BTBD9: variants seen among roughly 807,000 people sequenced by gnomAD.
The protein encoded by BTBD9 is BTB/POZ domain-containing protein 9.
In BTBD9, 49 loss-of-function variants were observed where a neutral mutation model predicts 64.3. The observed-to-expected ratio is 0.76, with a 90% CI of 0.61 to 0.97. The LOEUF (loss-of-function observed/expected upper bound fraction) is 0.97. BTBD9 is among the 50% of genes least tolerant of loss of function. BTBD9 has a pLI of 0.00. For synonymous variants in BTBD9, 260 were observed against 274.7 expected (o/e 0.95, Z 0.53); for missense variants, 598 against 762.1 (o/e 0.78, Z 2.53).
chr6:38,413,929 C>T (rs111391963), intron 6 of BTBD9, among the ~76,000 whole-genome samples: 60 of 152,106 alleles, frequency 3.9e-4, no homozygotes, highest in African/African-American at 1.3e-3. Flanking sequence ...ATGGGGTTTT[C>T]GTGAAGACTG....
At chr6:38,487,293 G>A (rs1291678437) in intron 6 of BTBD9, among the ~76,000 whole-genome samples, 1 of 152,054 alleles carries the variant, frequency 6.6e-6, no homozygotes, top group Non-Finnish European at 1.5e-5. Context: ...ACCTTAGGAG[G>A]GGGTGGGCTG....
At chr6:38,227,951 G>A (rs1763455725) in intron 9 of BTBD9, among the ~76,000 whole-genome samples, 1 of 152,210 alleles carries the variant, frequency 6.6e-6, no homozygotes, top group African/African-American at 2.4e-5. Flanking sequence ...GGTTGCCAGA[G>A]GTTGGTACTG....
chr6:38,539,256 T>C (rs1774158155), intron 6 of BTBD9, among the ~76,000 whole-genome samples: 1 of 152,194 alleles, frequency 6.6e-6, no homozygotes, highest in Non-Finnish European at 1.5e-5. Context: ...TTTAATAACA[T>C]TTCCCATATT....
intron 6 of BTBD9, among the ~76,000 whole-genome samples, chr6:38,444,670 G>T (rs1164587696): frequency 6.6e-6 from 1 of 152,068 alleles, no homozygotes; most frequent in East Asian, 1.9e-4. Flanking sequence ...GGGATAAAAA[G>T]GGTACCTTTT....
At chr6:38,317,228 C>T (rs984080973) in intron 7 of BTBD9, among the ~76,000 whole-genome samples, 4 of 152,084 alleles carry the variant, frequency 2.6e-5, no homozygotes, top group African/African-American at 9.7e-5. Flanking sequence ...AACTCCTGAC[C>T]TCGTGATCTA....
At chr6:38,558,479 C>A (rs1297413954) in intron 6 of BTBD9, among the ~76,000 whole-genome samples, 1 of 152,088 alleles carries the variant, frequency 6.6e-6, no homozygotes, top group Non-Finnish European at 1.5e-5. Flanking sequence ...TTAATGTTTT[C>A]AAGGAGAATG....
At chr6:38,278,387 T>A (rs1421173715) in intron 8 of BTBD9, among the ~76,000 whole-genome samples, 1 of 152,242 alleles carries the variant, frequency 6.6e-6, no homozygotes, top group Non-Finnish European at 1.5e-5. Flanking sequence ...TTGGAACAAA[T>A]GACCTCTAGT....
At chr6:38,411,884 C>A (rs1019971486) in intron 6 of BTBD9, among the ~76,000 whole-genome samples, 1 of 151,958 alleles carries the variant, frequency 6.6e-6, no homozygotes, top group Non-Finnish European at 1.5e-5. Context: ...TTACAATGAG[C>A]CAAGATTGTG....
At chr6:38,323,621 C>T (rs750820382) in intron 7 of BTBD9, among the ~76,000 whole-genome samples, 1 of 152,132 alleles carries the variant, frequency 6.6e-6, no homozygotes, top group African/African-American at 2.4e-5. Flanking sequence ...TGTTTACAGT[C>T]GTCAATTTCC....
intron 7 of BTBD9, among the ~76,000 whole-genome samples, chr6:38,328,224 A>G (rs573858300): frequency 6.6e-6 from 1 of 152,332 alleles, no homozygotes; most frequent in East Asian, 1.9e-4. Flanking sequence ...TTACAATTTT[A>G]CGCACTATTA....
intron 8 of BTBD9, among the ~76,000 whole-genome samples, chr6:38,281,893 T>C (rs1761525240): frequency 6.6e-6 from 1 of 152,188 alleles, no homozygotes; most frequent in Non-Finnish European, 1.5e-5. Flanking sequence ...TTCAAACCAA[T>C]GTAAAAATTG....
In BTBD9 at chr6:38,172,877, G is replaced by A. The variant is rs1298947977; in HGVS notation, c.*2108C>T. ...GGCCGAGCTGCCAAGCTGCTATCTCGTTCCCGGAGCACAGGAGGGCTCTGC... is the reference window on the plus strand; with the variant it reads ...GGCCGAGCTGCCAAGCTGCTATCTCATTCCCGGAGCACAGGAGGGCTCTGC... On this transcript the variant is annotated 3_prime_UTR_variant, in exon 11 of 11. Transcript: ENST00000481247. 1 of 152,294 alleles carries A rather than the reference G, an allele frequency of 6.6e-6. No homozygotes were observed. Among genetic ancestry groups the A allele is most frequent in the Non-Finnish European group, 1.5e-5 (1 of 68,112 alleles). 9.4% of individuals were successfully genotyped at this position (152,294 alleles called of 1,614,324 possible). A position where few individuals can be genotyped will look rare whatever the true frequency, so the allele number is the denominator to read the frequency against.
At chr6:38,628,606 T>A (rs1284645562) in intron 1 of BTBD9, among the ~76,000 whole-genome samples, 3 of 152,272 alleles carry the variant, frequency 2.0e-5, no homozygotes, top group African/African-American at 7.2e-5. Flanking sequence ...CAGTATGAAC[T>A]TATGGTTAAT....
At chr6:38,535,664 T>C (rs1323017022) in intron 6 of BTBD9, among the ~76,000 whole-genome samples, 3 of 152,098 alleles carry the variant, frequency 2.0e-5, no homozygotes, top group Admixed American at 6.5e-5. Context: ...AACAGATACA[T>C]AGACCAACGG....
intron 7 of BTBD9, among the ~76,000 whole-genome samples, chr6:38,311,494 A>C (rs1762833267): frequency 6.6e-6 from 1 of 152,200 alleles, no homozygotes; most frequent in South Asian, 2.1e-4. Flanking sequence ...TGGAGACTTA[A>C]CGTTGCTTCC....
At chr6:38,303,965 A>G (rs1053926151) in intron 7 of BTBD9, among the ~76,000 whole-genome samples, 4 of 142,890 alleles carry the variant, frequency 2.8e-5, no homozygotes, top group Non-Finnish European at 6.1e-5. Context: ...ATATATATAT[A>G]TGTGCTGGTG....
At chr6:38,567,814 C>A (rs146593899) in intron 6 of BTBD9, among the ~76,000 whole-genome samples, 7 of 152,266 alleles carry the variant, frequency 4.6e-5, no homozygotes, top group African/African-American at 1.2e-4. Context: ...GACTTGTACT[C>A]ACAGTCTTCT....
At chr6:38,428,632 A>G (rs541060475) in intron 6 of BTBD9, among the ~76,000 whole-genome samples, 1 of 151,910 alleles carries the variant, frequency 6.6e-6, no homozygotes, top group South Asian at 2.1e-4. Context: ...AAAAATGAGT[A>G]AATGAATGAA....
intron 8 of BTBD9, among the ~76,000 whole-genome samples, chr6:38,284,119 C>A (rs1761625188): frequency 6.6e-6 from 1 of 152,024 alleles, no homozygotes; most frequent in African/African-American, 2.4e-5. Flanking sequence ...ATGTTAGTTT[C>A]ACAGAGACGT....
Sources: allele counts gnomAD v4.1 joint callset (sites outside exome capture counted in the v4.1 genomes callset), GRCh38; gene constraint gnomAD v4.1.1; transcripts MANE v1.5; gene names NCBI Gene and HGNC (gene_info 2026-07-23, HGNC 2026-07-21).